AFF2: variants seen among roughly 807,000 people sequenced by gnomAD.
The protein encoded by AFF2 is ALF transcription elongation factor 2.
AFF2 carries 14 observed loss-of-function variants against 76.9 expected under a neutral mutation model. The ratio of observed to expected loss-of-function variants is 0.18; its 90% CI spans 0.12 to 0.28. The LOEUF (loss-of-function observed/expected upper bound fraction) is 0.28, where lower values mean the gene tolerates loss of function less well. Ranked by LOEUF, AFF2 falls within the 10% of genes least tolerant of loss-of-function variation. AFF2 has a pLI of 1.00. For missense variants in AFF2, 868 were observed against 1,001.1 expected, an observed-to-expected ratio of 0.87 and a Z score of 1.79; for synonymous variants, 398 against 366.7, an observed-to-expected ratio of 1.09 and a Z score of -0.98.
intron 9 of AFF2, among the ~76,000 whole-genome samples, chrX:148,914,404 A>G (rs1353227673): frequency 8.9e-6 from 1 of 111,984 alleles, no homozygotes; most frequent in Non-Finnish European, 1.9e-5. Context: ...ACACTGCCAA[A>G]TATTAATACT....
At chrX:148,987,110 C>T (rs2072481211) in intron 19 of AFF2, among the ~76,000 whole-genome samples, 1 of 110,823 alleles carries the variant, frequency 9.0e-6, no homozygotes, top group South Asian at 4.0e-4. Context: ...TCTCTGTATC[C>T]ACTAGAGCCC....
chrX:148,881,932 T>G (rs2071101405), intron 7 of AFF2, among the ~76,000 whole-genome samples: 1 of 111,306 alleles, frequency 9.0e-6, no homozygotes, highest in Admixed American at 9.6e-5. Context: ...AAGGTCTTAT[T>G]TACTGTATTA....
At chrX:148,973,375 G>T (rs1006792710) in intron 15 of AFF2, 96 bp from the exon 16 acceptor site, 17 of 1,055,116 alleles carry the variant, frequency 1.6e-5, no homozygotes, top group Non-Finnish European at 2.1e-5. Flanking sequence ...GTTCCCTGTG[G>T]GAAGGGGGCA....
At chrX:148,641,576 T>C (rs190557970) in intron 1 of AFF2, among the ~76,000 whole-genome samples, 13 of 111,803 alleles carry the variant, frequency 1.2e-4, no homozygotes, top group Non-Finnish European at 2.3e-4. Flanking sequence ...GGAGATTTCA[T>C]TGTGAACCGG....
intron 13 of AFF2, among the ~76,000 whole-genome samples, chrX:148,963,567 T>G (rs2072136340): frequency 8.9e-6 from 1 of 112,344 alleles, no homozygotes; most frequent in African/African-American, 3.2e-5. Flanking sequence ...GCTCGCAGAG[T>G]CTTCTCTATT....
chrX:148,649,424 G>C (rs1365653191), intron 1 of AFF2, among the ~76,000 whole-genome samples: 1 of 112,331 alleles, frequency 8.9e-6, no homozygotes, highest in Non-Finnish European at 1.9e-5. Flanking sequence ...GAGCAAGAAA[G>C]GAAAAAGTTG....
At chrX:148,647,201 T>C (rs1361683685) in intron 1 of AFF2, among the ~76,000 whole-genome samples, 1 of 112,380 alleles carries the variant, frequency 8.9e-6, no homozygotes, top group Non-Finnish European at 1.9e-5. Context: ...TTTTATGCTT[T>C]TGCAAAGATA....
At chrX:148,886,102 G>A (rs2071156736) in intron 8 of AFF2, 117 bp downstream of exon 8, 1 of 562,628 alleles carries the variant, frequency 1.8e-6, no homozygotes, top group Admixed American at 2.6e-5. Flanking sequence ...GGGCTTTGGA[G>A]AGAGGGAAAG....
At chrX:148,580,003 A>G (rs1344516173) in intron 1 of AFF2, among the ~76,000 whole-genome samples, 4 of 111,673 alleles carry the variant, frequency 3.6e-5, no homozygotes, top group African/African-American at 1.3e-4. Context: ...TATTGTGCAG[A>G]TAGTGCATGA....
chrX:148,689,578 A>G (rs1557260593), intron 3 of AFF2, among the ~76,000 whole-genome samples: 1 of 111,038 alleles, frequency 9.0e-6, no homozygotes. Context: ...CATGGATTCA[A>G]CTGGTTTGAT....
chrX:148,611,178 A>G (rs1489267262), intron 1 of AFF2, among the ~76,000 whole-genome samples: 1 of 111,902 alleles, frequency 8.9e-6, no homozygotes, highest in African/African-American at 3.2e-5. Flanking sequence ...TTGGACATTC[A>G]TGATCAAGTG....
At chrX:148,814,291 C>T (rs1180683490) in intron 4 of AFF2, among the ~76,000 whole-genome samples, 1 of 111,705 alleles carries the variant, frequency 9.0e-6, no homozygotes. Context: ...GAGCAGCATG[C>T]TCTAAATGCT....
At chrX:148,803,441 C>G (rs1234621443) in intron 3 of AFF2, among the ~76,000 whole-genome samples, 2 of 111,396 alleles carry the variant, frequency 1.8e-5, no homozygotes, top group African/African-American at 6.5e-5. Context: ...AATGGCCTCA[C>G]TGACTAGCCC....
chrX:148,559,326 G>A (rs1252147721), intron 1 of AFF2, among the ~76,000 whole-genome samples: 2 of 111,029 alleles, frequency 1.8e-5, no homozygotes, highest in African/African-American at 6.6e-5. Flanking sequence ...AACGTTACAG[G>A]ATTATTACGT....
intron 3 of AFF2, among the ~76,000 whole-genome samples, chrX:148,782,996 G>A (rs2069764388): frequency 8.9e-6 from 1 of 112,114 alleles, no homozygotes; most frequent in Non-Finnish European, 1.9e-5. Flanking sequence ...ACGCTCATAA[G>A]GATACTGGAA....
chrX:148,747,154 C>G (rs1254691840), intron 3 of AFF2, among the ~76,000 whole-genome samples: 1 of 111,501 alleles, frequency 9.0e-6, no homozygotes, highest in East Asian at 2.8e-4. Flanking sequence ...CTCATGAACT[C>G]CTATTCACCC....
intron 1 of AFF2, among the ~76,000 whole-genome samples, chrX:148,518,308 G>T (rs1187633094): frequency 1.8e-5 from 2 of 112,014 alleles, no homozygotes; most frequent in Admixed American, 9.5e-5. Flanking sequence ...ATCAGTGTGG[G>T]TGTCAGATAA....
chrX:148,575,111 T>C (rs2053273411), intron 1 of AFF2, among the ~76,000 whole-genome samples: 1 of 110,668 alleles, frequency 9.0e-6, no homozygotes, highest in Non-Finnish European at 1.9e-5. Context: ...GCAGATTCAA[T>C]AGGTAATGGT....
chrX:148,761,955 GT>G (rs782494785), intron 3 of AFF2, among the ~76,000 whole-genome samples: 1 of 94,476 alleles, frequency 1.1e-5, no homozygotes, highest in Non-Finnish European at 2.2e-5. Context: ...GTGTATGTGT[GT>G]ATATAGATAT....
Sources: gnomAD v4.1 joint callset for allele counts (sites outside exome capture counted in the v4.1 genomes callset) on GRCh38, gnomAD v4.1.1 for gene constraint, MANE v1.5 for transcripts, NCBI Gene and HGNC (gene_info 2026-07-23, HGNC 2026-07-21) for gene names.